ANXA8: variants seen among roughly 807,000 people sequenced by gnomAD.
The protein encoded by ANXA8 is annexin A8.
ANXA8 carries 9 observed loss-of-function variants against 26.8 expected under a neutral mutation model. That is an observed-to-expected ratio of 0.34 (90% CI 0.20 to 0.59). ANXA8 has a LOEUF of 0.59. Among genes scored for constraint, ANXA8 ranks in the 20% least tolerant of loss-of-function variants. The pLI is 0.84. For synonymous variants in ANXA8, 39 were observed against 94.8 expected (o/e 0.41, Z 3.42); for missense variants, 83 against 238.5 (o/e 0.35, Z 4.29).
chr10:47,894,710 CATACAGTACACCCT>C, the ANXA8 span, among the ~76,000 whole-genome samples: 1 of 152,234 alleles, frequency 6.6e-6, no homozygotes, highest in Admixed American at 6.5e-5. Flanking sequence ...ACTAACACCC[CATACAGTACACCCT>C]ATACACATAC....
At chr10:47,600,553 T>C in the ANXA8 span, among the ~76,000 whole-genome samples, 1 of 148,428 alleles carries the variant, frequency 6.7e-6, no homozygotes, top group East Asian at 1.9e-4. Flanking sequence ...GAGGCACTGA[T>C]TCCCGCCTTT....
chr10:47,702,436 G>C, the ANXA8 span, among the ~76,000 whole-genome samples: 4 of 151,258 alleles, frequency 2.6e-5, no homozygotes, highest in African/African-American at 9.7e-5. Context: ...TGCCTCCTGG[G>C]TTCTAGCAAT....
At chr10:47,621,586 A>G in the ANXA8 span, among the ~76,000 whole-genome samples, 1 of 109,620 alleles carries the variant, frequency 9.1e-6, no homozygotes, top group Non-Finnish European at 2.0e-5. Flanking sequence ...TATTGGGTCT[A>G]TGGGTGGGTA....
At chr10:47,751,272 T>C in the ANXA8 span, 14 of 134,466 alleles carry the variant, frequency 1.0e-4, no homozygotes, top group Admixed American at 1.1e-3. Flanking sequence ...TTAGCTCTAG[T>C]AGTTTTTTTG....
chr10:47,599,343 T>C, the ANXA8 span, among the ~76,000 whole-genome samples: 41,311 of 140,182 alleles, frequency 0.29, 6,810 homozygotes, highest in Non-Finnish European at 0.4. Flanking sequence ...CAGAAACTGT[T>C]GATAAGGTGA....
At chr10:47,495,938 G>T in the ANXA8 span, among the ~76,000 whole-genome samples, 2 of 151,602 alleles carry the variant, frequency 1.3e-5, no homozygotes, top group Non-Finnish European at 2.9e-5. Context: ...AGGAGCAGGT[G>T]GTGCCCGGGG....
the ANXA8 span, among the ~76,000 whole-genome samples, chr10:47,693,531 C>G: frequency 6.6e-6 from 1 of 151,692 alleles, no homozygotes; most frequent in African/African-American, 2.4e-5. Context: ...ACCTCGTGAT[C>G]CGCCCGCCTC....
chr10:47,664,101 G>A, the ANXA8 span, among the ~76,000 whole-genome samples: 3 of 150,982 alleles, frequency 2.0e-5, no homozygotes, highest in Non-Finnish European at 2.9e-5. Flanking sequence ...AATTGGCTGG[G>A]TGCGGTGGCT....
chr10:47,676,379 A>T, the ANXA8 span, among the ~76,000 whole-genome samples: 1 of 151,912 alleles, frequency 6.6e-6, no homozygotes, highest in East Asian at 1.9e-4. Flanking sequence ...CAACAAATTT[A>T]AAAATCCCAT....
the ANXA8 span, among the ~76,000 whole-genome samples, chr10:47,748,449 G>A: frequency 6.6e-6 from 1 of 151,984 alleles, no homozygotes; most frequent in African/African-American, 2.4e-5. Flanking sequence ...CTGACCTCAG[G>A]TGATCCACTG....
chr10:47,502,445 C>A, the ANXA8 span: 1 of 1,612,350 alleles, frequency 6.2e-7, no homozygotes, highest in Non-Finnish European at 8.5e-7. Context: ...CATTCCTTCT[C>A]TTCCCTCGTG....
chr10:47,977,406 A>T, the ANXA8 span, among the ~76,000 whole-genome samples: 1 of 151,334 alleles, frequency 6.6e-6, no homozygotes, highest in Non-Finnish European at 1.5e-5. Flanking sequence ...AAAATATGAG[A>T]AATACAAAGA....
the ANXA8 span, among the ~76,000 whole-genome samples, chr10:47,975,926 T>TA: frequency 4.1e-5 from 6 of 147,558 alleles, no homozygotes; most frequent in African/African-American, 1.5e-4. Flanking sequence ...GAAAAAAACT[T>TA]AGACTCAATA....
the ANXA8 span, among the ~76,000 whole-genome samples, chr10:47,555,882 A>G: frequency 6.6e-6 from 1 of 152,078 alleles, no homozygotes. Context: ...ATAATGATGA[A>G]CCTAGCAGGA....
the ANXA8 span, among the ~76,000 whole-genome samples, chr10:47,733,211 TTC>T: frequency 0.026 from 2,071 of 79,614 alleles, 11 homozygotes; most frequent in Admixed American, 0.045. Context: ...CTTTCTTTCT[TTC>T]TTTCTTTCTC....
the ANXA8 span, among the ~76,000 whole-genome samples, chr10:47,977,505 AT>A: frequency 6.6e-6 from 1 of 151,192 alleles, no homozygotes; most frequent in Non-Finnish European, 1.5e-5. Flanking sequence ...ACTATCAAAG[AT>A]TTTAGAACAC....
At chr10:47,973,832 A>G in the ANXA8 span, among the ~76,000 whole-genome samples, 10 of 151,216 alleles carry the variant, frequency 6.6e-5, no homozygotes, top group Non-Finnish European at 3.0e-5. Flanking sequence ...AGGTTTAATC[A>G]GTAGGATTGG....
chr10:47,649,500 C>T, the ANXA8 span, among the ~76,000 whole-genome samples: 2 of 151,284 alleles, frequency 1.3e-5, no homozygotes, highest in East Asian at 3.9e-4. Flanking sequence ...CCTCTGCCTC[C>T]TGGGTTCAAG....
chr10:47,659,535 G>C, the ANXA8 span, among the ~76,000 whole-genome samples: 7 of 151,388 alleles, frequency 4.6e-5, no homozygotes, highest in African/African-American at 1.7e-4. Flanking sequence ...AATTAGCCGG[G>C]TGTGGTGGTG....
Sources: allele counts gnomAD v4.1 joint callset (sites outside exome capture counted in the v4.1 genomes callset), GRCh38; gene constraint gnomAD v4.1.1; transcripts MANE v1.5; gene names NCBI Gene and HGNC (gene_info 2026-07-23, HGNC 2026-07-21).